Variants in ZNF280D observed in about 807,000 individuals in gnomAD.
ZNF280D encodes zinc finger protein 280D.
A neutral mutation model predicts 94.7 loss-of-function variants in ZNF280D; 39 were observed. The ratio of observed to expected loss-of-function variants is 0.41; its 90% CI spans 0.32 to 0.54. The LOEUF (loss-of-function observed/expected upper bound fraction) is 0.54, where lower values mean the gene tolerates loss of function less well. Among genes scored for constraint, ZNF280D ranks in the 20% least tolerant of loss-of-function variants. The pLI is 0.22. For synonymous variants in ZNF280D, 398 were observed against 377.6 expected (o/e 1.05, Z -0.63); for missense variants, 1,090 against 1,149.3 (o/e 0.95, Z 0.75).
chr15:56,725,114 T>C (rs1377326898), intron 1 of ZNF280D: 1 of 255,516 alleles, frequency 3.9e-6, no homozygotes, highest in Non-Finnish European at 7.9e-6. Flanking sequence ...TTGCCAAAGG[T>C]AACCCACAAA....
Position 56,704,260 on chromosome 15 carries a change from T to C in ZNF280D, c.36A>G (p.Ser12=). ...ATTCCATAAACAGTTCTGCCATTTT[T>C]GAATTACCTAATTTTCAAAAGGAGA... ...GDNPFQPKSN[S]KMAELFMECE... is the part of the protein sequence containing the mutation. The change falls in exon 4 of 22, where the codon TCA becomes TCG. Residue 12 remains serine, a synonymous_variant. Transcript: ENST00000267807. 2 of 1,603,354 alleles carry C rather than the reference T, an allele frequency of 1.2e-6. No homozygotes were observed. Among genetic ancestry groups the C allele is most frequent in the Non-Finnish European group, 1.7e-6 (2 of 1,177,344 alleles).
intron 13 of ZNF280D, among the ~76,000 whole-genome samples, chr15:56,672,322 T>C (rs1418505849): frequency 6.6e-6 from 1 of 152,144 alleles, no homozygotes; most frequent in Non-Finnish European, 1.5e-5. Context: ...GGGTTTGTCA[T>C]ATATGGCTCT....
intron 1 of ZNF280D, among the ~76,000 whole-genome samples, chr15:56,719,268 G>A (rs1397442925): frequency 1.3e-5 from 2 of 151,856 alleles, no homozygotes; most frequent in African/African-American, 2.4e-5. Flanking sequence ...CAATGGCTTG[G>A]TGCTGTCCTC....
intron 16 of ZNF280D, among the ~76,000 whole-genome samples, chr15:56,665,474 TA>T (rs1332987772): frequency 2.6e-5 from 4 of 152,068 alleles, no homozygotes; most frequent in Non-Finnish European, 4.4e-5. Context: ...TCAAATAATC[TA>T]AGTTGAATGA....
chr15:56,729,857 T>C (rs2058801460), intron 1 of ZNF280D: 1 of 152,212 alleles, frequency 6.6e-6, no homozygotes, highest in Non-Finnish European at 1.5e-5. Flanking sequence ...TGTGTTACAA[T>C]GAGAATGTTT....
chr15:56,637,475 C>T (rs188597002), intron 20 of ZNF280D, among the ~76,000 whole-genome samples: 135 of 152,262 alleles, frequency 8.9e-4, no homozygotes, highest in African/African-American at 3.0e-3. Flanking sequence ...GCCACCACAC[C>T]TGGCCTCTCC....
intron 1 of ZNF280D, among the ~76,000 whole-genome samples, chr15:56,710,681 T>C (rs769910114): frequency 6.6e-6 from 1 of 152,174 alleles, no homozygotes; most frequent in Non-Finnish European, 1.5e-5. Flanking sequence ...TAGAAATCAA[T>C]GGAAATGTGG....
intron 16 of ZNF280D, among the ~76,000 whole-genome samples, chr15:56,659,175 TAAAAAAAAAAAAA>T (rs35057161): frequency 1.1e-5 from 1 of 93,210 alleles, no homozygotes; most frequent in South Asian, 4.7e-4. Flanking sequence ...TGTTTTTTAT[TAAAAAAAAAAAAA>T]AAAAAAAAAA....
At chr15:56,659,452 AAG>A (rs1170361258) in intron 16 of ZNF280D, among the ~76,000 whole-genome samples, 9 of 152,054 alleles carry the variant, frequency 5.9e-5, no homozygotes, top group African/African-American at 2.2e-4. Context: ...AACATATTTT[AAG>A]AGAGACAGAC....
intron 1 of ZNF280D, among the ~76,000 whole-genome samples, chr15:56,727,459 CAAAAAGAAA>C (rs1402988852): frequency 9.9e-5 from 15 of 151,612 alleles, no homozygotes; most frequent in East Asian, 9.7e-4. Context: ...GACACGGTCT[CAAAAAGAAA>C]AAAAAGAAAA....
At position 56,669,900 on chromosome 15, in the gene ZNF280D, AT is replaced by A. The variant is rs1429527798; in HGVS notation, c.1411-944del. On this transcript the variant is annotated intron_variant, in intron 13 of 21. Coordinates refer to ENST00000267807, the MANE Select transcript of ZNF280D (RefSeq NM_017661.4). ...ATATATATATATATTATATATATAT[AT>A]AATATATATATATTATATATATATT... is the stretch of plus-strand genomic sequence containing the variant. 6.6e-4 allele frequency among the ~76,000 whole-genome samples: 5 copies of A among 7,526 alleles called. 2 individuals carry two copies. The highest frequency in any genetic ancestry group is 1.5e-3 in the African/African-American group (3 of 2,030). The allele number at this position is 7,526 out of a possible 152,430, so 4.9% of individuals were successfully genotyped here.
At chr15:56,647,180 G>C (rs1261746121) in intron 19 of ZNF280D, among the ~76,000 whole-genome samples, 1 of 152,196 alleles carries the variant, frequency 6.6e-6, no homozygotes, top group African/African-American at 2.4e-5. Flanking sequence ...TGAGAGTCCA[G>C]TTAAGAGACA....
intron 19 of ZNF280D, among the ~76,000 whole-genome samples, chr15:56,648,009 G>A (rs1260452422): frequency 2.0e-5 from 3 of 152,162 alleles, no homozygotes; most frequent in Non-Finnish European, 4.4e-5. Flanking sequence ...TTGCAGATGA[G>A]AAAATCTGAG....
chr15:56,686,989 A>G (rs1386950418), intron 9 of ZNF280D, among the ~76,000 whole-genome samples: 1 of 152,124 alleles, frequency 6.6e-6, no homozygotes, highest in Admixed American at 6.5e-5. Flanking sequence ...ATTATATGCT[A>G]GTTGGCAAAA....
intron 1 of ZNF280D, among the ~76,000 whole-genome samples, chr15:56,724,655 A>AT (rs1173156532): frequency 2.6e-5 from 4 of 152,266 alleles, no homozygotes; most frequent in African/African-American, 9.6e-5. Flanking sequence ...GTAAAGGATG[A>AT]TAACACCGCC....
chr15:56,634,205 G>A (rs1272629279), intron 21 of ZNF280D: 2 of 151,910 alleles, frequency 1.3e-5, no homozygotes, highest in Non-Finnish European at 2.9e-5. Context: ...TTTTACACCA[G>A]GCTACTTTAA....
At chr15:56,711,765 C>T (rs748299765) in intron 1 of ZNF280D, among the ~76,000 whole-genome samples, 3 of 152,190 alleles carry the variant, frequency 2.0e-5, no homozygotes, top group Admixed American at 6.5e-5. Flanking sequence ...TCATGCATCA[C>T]TTAACAACAG....
rs1383642591 is a variant in ZNF280D, at chr15:56,631,974, T to C, written c.2464A>G (p.Lys822Glu). 3.1e-6 allele frequency: 5 copies of C among 1,613,988 alleles called. No individual in the cohort carries two copies. The African/African-American group carries it at 5.3e-5, about 17-fold the overall frequency. ...TCLADQETGS[K>E]NIVSCDSNIG... ...TTTGAATCACAACTGACGATGTTTT[T>C]TGAGCCAGTTTCCTGGTCTGCAAGA... Residue 822 changes from lysine to glutamate, a missense_variant, in exon 22 of 22, where the codon AAA becomes GAA. Transcript: ENST00000267807.
chr15:56,682,106 T>C (rs11638707), intron 10 of ZNF280D, 148 bp downstream of exon 10: 311,025 of 545,980 alleles, frequency 0.57, 90,376 homozygotes, highest in Non-Finnish European at 0.6. Flanking sequence ...AGGACAGAGC[T>C]TTTCAACAAG....
Sources: allele counts gnomAD v4.1 joint callset (sites outside exome capture counted in the v4.1 genomes callset), GRCh38; gene constraint gnomAD v4.1.1; transcripts MANE v1.5; gene names NCBI Gene and HGNC (gene_info 2026-07-23, HGNC 2026-07-21).